The following ABHD2 variants were observed in gnomAD, a reference collection of about 807,000 sequenced individuals.
The protein encoded by ABHD2 is abhydrolase domain containing 2, acylglycerol lipase, also known as monoacylglycerol lipase ABHD2.
In ABHD2, 20 loss-of-function variants were observed where a neutral mutation model predicts 48.1. That is an observed-to-expected ratio of 0.42 (90% confidence interval 0.29 to 0.60). ABHD2 has a LOEUF of 0.60. Ranked by LOEUF, ABHD2 falls within the 20% of genes least tolerant of loss-of-function variation. ABHD2 has a pLI of 0.24. For missense variants in ABHD2, 405 were observed against 550.9 expected (o/e 0.74, Z 2.65); for synonymous variants, 209 against 214.2 (o/e 0.98, Z 0.21).
At chr15:89,149,092 A>T (rs1567091451) in intron 3 of ABHD2, among the ~76,000 whole-genome samples, 3 of 152,178 alleles carry the variant, frequency 2.0e-5, no homozygotes, top group African/African-American at 7.2e-5. Context: ...GAAGTTAATT[A>T]AAAACAGTGT....
chr15:89,201,782 GGC>G lies in ABHD2; in HGVS notation c.*6360_*6361del. On this transcript the variant is annotated 3_prime_UTR_variant, in exon 11 of 11. Coordinates refer to ENST00000352732, the MANE Select transcript of ABHD2 (RefSeq NM_152924.5). ...CCAGGATCTGCTCGTGCTTCGCCGTGGCCCCGGAGGCAGACGCCATTGGAGAG... is the reference window on the plus strand; with the variant it reads ...CCAGGATCTGCTCGTGCTTCGCCGTGCCCGGAGGCAGACGCCATTGGAGAG... 6.8e-7 allele frequency: 1 copy of G among 1,463,138 alleles called. No homozygotes were observed. The highest frequency in any genetic ancestry group is 9.6e-7 in the Non-Finnish European group (1 of 1,045,700). The allele number at this position is 1,463,138 out of a possible 1,614,324, so 90.6% of individuals were successfully genotyped here.
At chr15:89,060,287 C>T in the ABHD2 span, among the ~76,000 whole-genome samples, 1 of 151,668 alleles carries the variant, frequency 6.6e-6, no homozygotes, top group Non-Finnish European at 1.5e-5. Flanking sequence ...GACAGGGTTT[C>T]ACCATATTAG....
At chr15:89,087,679 A>T (rs1901408052), upstream of ABHD2, 1 of 152,392 alleles carries the variant, frequency 6.6e-6, no homozygotes, top group East Asian at 1.9e-4. This position sits in a 1 kb window ranked among gnomAD's most constrained non-coding sequence, Gnocchi z 5.5. Context: ...GACTTGCCCA[A>T]GCCCACACAA....
rs2051173607 is a variant in ABHD2 at position 89,184,559 on chromosome 15, G to A, written c.723-865G>A. ...AGCAGTGAGTGGGGAGGGCTGGGCA[G>A]GCATGGCTGGTGGGAGTGAGCCCAC... On this transcript the variant is annotated intron_variant, in intron 6 of 10. Coordinates refer to ENST00000352732, the MANE Select transcript of ABHD2 (RefSeq NM_152924.5). This position sits in a 1 kb window ranked among gnomAD's most constrained non-coding sequence, Gnocchi z 5.1. Among the ~76,000 whole-genome samples the A allele has an allele frequency of 6.6e-6, 1 of 152,190 alleles. No homozygotes were observed. Among genetic ancestry groups the A allele is most frequent in the South Asian group, 2.1e-4 (1 of 4,828 alleles).
chr15:89,054,078 T>C, the ABHD2 span, among the ~76,000 whole-genome samples: 3 of 152,104 alleles, frequency 2.0e-5, no homozygotes, highest in Non-Finnish European at 2.9e-5. Flanking sequence ...TCCCAGCACT[T>C]TGGGATGCCA....
In ABHD2 at chr15:89,198,952, C is replaced by G. The variant is rs1030680356; in HGVS notation, c.*3529C>G. 6.6e-6 allele frequency: 1 copy of G among 152,266 alleles called. No homozygotes were observed. The highest frequency in any genetic ancestry group is 2.4e-5 in the African/African-American group (1 of 41,412). 9.4% of individuals were successfully genotyped at this position (152,266 alleles called of 1,614,324 possible). On this transcript the variant is annotated 3_prime_UTR_variant, in exon 11 of 11. Coordinates refer to ENST00000352732, the MANE Select transcript of ABHD2 (RefSeq NM_152924.5). This position sits in a 1 kb window ranked among gnomAD's most constrained non-coding sequence, Gnocchi z 5.1. ...AGACCCTTGCTGTTTGGAGGGTGGTCTTGTGACTGTGGCAGCTGCTGGCCG... is the reference window on the plus strand; with the variant it reads ...AGACCCTTGCTGTTTGGAGGGTGGTGTTGTGACTGTGGCAGCTGCTGGCCG...
Position 89,198,980 on chromosome 15 carries a change from G to A in ABHD2, c.*3557G>A, listed in dbSNP as rs2051441020. The A allele has an allele frequency of 6.6e-6, 1 of 152,206 alleles. No homozygotes were observed. The highest frequency in any genetic ancestry group is 1.5e-5 in the Non-Finnish European group (1 of 68,120). The allele number at this position is 152,206 out of a possible 1,614,324, so 9.4% of individuals were successfully genotyped here. A position where few individuals can be genotyped will look rare whatever the true frequency, so the allele number is the denominator to read the frequency against. The stretch of plus-strand genomic sequence containing the variant: ...GTGACTGTGGCAGCTGCTGGCCGCT[G>A]GAATGAGGAGCCTATCTCCATCCTC... On this transcript the variant is annotated 3_prime_UTR_variant, in exon 11 of 11. Transcript: ENST00000352732. The surrounding 1 kb of genome is among the most constrained non-coding windows in gnomAD (Gnocchi z 5.1).
the ABHD2 span, among the ~76,000 whole-genome samples, chr15:89,064,335 T>C: frequency 6.6e-6 from 1 of 150,378 alleles, no homozygotes; most frequent in African/African-American, 2.4e-5. Context: ...TTCTCCTGCC[T>C]CAGCCTCCTG....
At chr15:89,053,945 C>T in the ABHD2 span, among the ~76,000 whole-genome samples, 1 of 152,306 alleles carries the variant, frequency 6.6e-6, no homozygotes, top group East Asian at 1.9e-4. Flanking sequence ...AAGTACAGCA[C>T]CTGAGCTGGT....
intron 6 of ABHD2, among the ~76,000 whole-genome samples, chr15:89,183,064 A>G (rs1377512698): frequency 1.3e-5 from 2 of 152,142 alleles, no homozygotes; most frequent in South Asian, 2.1e-4. Context: ...AGGTAGCTCT[A>G]AAAGACTCTA....
chr15:89,077,414 C>G, the ABHD2 span, among the ~76,000 whole-genome samples: 1 of 152,170 alleles, frequency 6.6e-6, no homozygotes, highest in Non-Finnish European at 1.5e-5. Context: ...AGTTTACAAT[C>G]TTAAGCTATT....
rs1488982917 is a variant in ABHD2 at position 89,189,573 on chromosome 15, A to G, written c.926+1270A>G. Among the ~76,000 whole-genome samples the G allele has an allele frequency of 6.6e-6, 1 of 152,270 alleles. No individual in the cohort carries two copies. ...AGCAATTATTCTTCATCTAATAGAT[A>G]GGCAGATATTGACCTAAGGGTATAG... On this transcript the variant is annotated intron_variant, in intron 8 of 10. Transcript: ENST00000352732. The surrounding 1 kb of genome is among the most constrained non-coding windows in gnomAD (Gnocchi z 4.9).
rs982652105 is a variant in ABHD2, at chr15:89,179,400, A to G, written c.722+3405A>G. 2.0e-5 allele frequency among the ~76,000 whole-genome samples: 3 copies of G among 152,220 alleles called. No homozygotes were observed. Among genetic ancestry groups the G allele is most frequent in the Non-Finnish European group, 2.9e-5 (2 of 68,038 alleles). The stretch of plus-strand genomic sequence containing the variant: ...CGCCTCCTGTCAGATCAGCAGTGAC[A>G]TTAGATTCTCATAGGAGGATGAACC... On this transcript the variant is annotated intron_variant, in intron 6 of 10. Transcript: ENST00000352732. This position sits in a 1 kb window ranked among gnomAD's most constrained non-coding sequence, Gnocchi z 4.3.
intron 3 of ABHD2, chr15:89,136,464 T>G (rs1226912780): frequency 4.3e-6 from 2 of 462,426 alleles, no homozygotes; most frequent in Non-Finnish European, 8.5e-6. Flanking sequence ...TGGCATTTTC[T>G]CTCTTGGCTT....
rs2049717915 is a variant in ABHD2 at position 89,102,552 on chromosome 15, A to G, written c.-106-11173A>G. On this transcript the variant is annotated intron_variant, in intron 1 of 10. Transcript: ENST00000352732. The surrounding 1 kb of genome is among the most constrained non-coding windows in gnomAD (Gnocchi z 4.8). ...TGCTTTATCCACGAGGGTGCTCCCT[A>G]CTTATGCCAGTGAATTAATTTTTGG... 1 of 152,192 alleles carries G rather than the reference A, an allele frequency of 6.6e-6. No homozygotes were observed. Among genetic ancestry groups the G allele is most frequent in the African/African-American group, 2.4e-5 (1 of 41,446 alleles). 9.4% of individuals were successfully genotyped at this position (152,192 alleles called of 1,614,324 possible). A position where few individuals can be genotyped will look rare whatever the true frequency, so the allele number is the denominator to read the frequency against.
chr15:89,197,796 C>T lies in ABHD2; in HGVS notation c.*2373C>T, dbSNP rs767570467. Reference sequence around the variant, plus strand: ...TGTTGCCACACAACCGGAATTTGCTCCCCCAGGACTGTGGGAGCCAGTGTC... The same window carrying T: ...TGTTGCCACACAACCGGAATTTGCTTCCCCAGGACTGTGGGAGCCAGTGTC... On this transcript the variant is annotated 3_prime_UTR_variant, in exon 11 of 11. Transcript: ENST00000352732. The surrounding 1 kb of genome is among the most constrained non-coding windows in gnomAD (Gnocchi z 4.4). 2 of 152,118 alleles carry T rather than the reference C, an allele frequency of 1.3e-5. No homozygotes were observed. The highest frequency in any genetic ancestry group is 2.4e-5 in the African/African-American group (1 of 41,418). 9.4% of individuals were successfully genotyped at this position (152,118 alleles called of 1,614,324 possible).
chr15:89,150,155 C>T (rs2050568133), intron 3 of ABHD2, among the ~76,000 whole-genome samples: 1 of 152,148 alleles, frequency 6.6e-6, no homozygotes, highest in Non-Finnish European at 1.5e-5. Context: ...ATGAAATTTA[C>T]TCATTCTTCT....
chr15:89,049,772 G>C, the ABHD2 span, among the ~76,000 whole-genome samples: 2 of 152,224 alleles, frequency 1.3e-5, no homozygotes, highest in Non-Finnish European at 2.9e-5. Context: ...CGCACCCACT[G>C]ACCTGCGCCC....
rs2050031858 is a variant in ABHD2 at position 89,120,467 on chromosome 15, A to C, written c.194+3946A>C. Among the ~76,000 whole-genome samples the C allele has an allele frequency of 6.6e-6, 1 of 152,066 alleles. No homozygotes were observed. ...GGTAGAGCACACAAAAATTATCTAT[A>C]AATGTTATAGCTCTTTCTTTTTTCT... On this transcript the variant is annotated intron_variant, in intron 3 of 10. Coordinates refer to ENST00000352732, the MANE Select transcript of ABHD2 (RefSeq NM_152924.5). This position sits in a 1 kb window ranked among gnomAD's most constrained non-coding sequence, Gnocchi z 4.2.
Sources: gnomAD v4.1 joint callset for allele counts (sites outside exome capture counted in the v4.1 genomes callset) on GRCh38, gnomAD v4.1.1 for gene constraint, Gnocchi (gnomAD v3.1) non-coding constraint, MANE v1.5 for transcripts, NCBI Gene and HGNC (gene_info 2026-07-23, HGNC 2026-07-21) for gene names.